DCC: variants seen among roughly 807,000 people sequenced by gnomAD.
DCC encodes the protein DCC netrin 1 receptor.
In DCC, 58 loss-of-function variants were observed where a neutral mutation model predicts 172.5. The ratio of observed to expected loss-of-function variants is 0.34; its 90% CI spans 0.27 to 0.42. The LOEUF is 0.42. Ranked by LOEUF, DCC falls within the 10% of genes least tolerant of loss-of-function variation. The probability of loss-of-function intolerance (pLI) is 1.00; values close to 1 mark genes in which losing one functional copy is unlikely to be tolerated. For missense variants in DCC, 1,740 were observed against 1,791.0 expected, an observed-to-expected ratio of 0.97 and a Z score of 0.51; for synonymous variants, 709 against 644.5, an observed-to-expected ratio of 1.10 and a Z score of -1.52.
chr18:52,894,119 C>T (rs1036507160), intron 2 of DCC, among the ~76,000 whole-genome samples: 1 of 152,070 alleles, frequency 6.6e-6, no homozygotes, highest in African/African-American at 2.4e-5. Flanking sequence ...ATTCCAGACC[C>T]AGCCATAGTC....
chr18:53,002,023 G>T (rs2041573124), intron 5 of DCC, among the ~76,000 whole-genome samples: 1 of 152,078 alleles, frequency 6.6e-6, no homozygotes, highest in East Asian at 1.9e-4. Context: ...GAGATGAGAA[G>T]ATTTTTCCAA....
At chr18:53,182,588 A>G (rs1012442442) in intron 9 of DCC, among the ~76,000 whole-genome samples, 10 of 152,208 alleles carry the variant, frequency 6.6e-5, no homozygotes, top group African/African-American at 2.4e-4. Flanking sequence ...TCTTACGGAC[A>G]TTAGAATAAA....
At chr18:53,351,420 CACTG>C (rs1420384098) in intron 15 of DCC, among the ~76,000 whole-genome samples, 2,103 of 15,798 alleles carry the variant, frequency 0.13, 342 homozygotes, top group African/African-American at 0.34. Context: ...TATATATACA[CACTG>C]TGTATATATA....
At chr18:52,789,246 A>AG (rs1024740794) in intron 2 of DCC, among the ~76,000 whole-genome samples, 3 of 151,826 alleles carry the variant, frequency 2.0e-5, no homozygotes, top group African/African-American at 7.2e-5. Flanking sequence ...GGGTTTTGTG[A>AG]GAAAAACAGG....
chr18:52,604,544 G>A (rs567667034), intron 1 of DCC, among the ~76,000 whole-genome samples: 24 of 152,258 alleles, frequency 1.6e-4, no homozygotes, highest in African/African-American at 5.8e-4. Flanking sequence ...AACAGAGAAG[G>A]GAGGAAGGTT....
chr18:53,151,493 T>A (rs2043994970), intron 7 of DCC, among the ~76,000 whole-genome samples: 1 of 152,202 alleles, frequency 6.6e-6, no homozygotes, highest in Admixed American at 6.5e-5. Flanking sequence ...CATTATTCAT[T>A]TTTATCTAAA....
intron 5 of DCC, among the ~76,000 whole-genome samples, chr18:53,035,269 A>C (rs12956299): frequency 0.021 from 3,128 of 152,128 alleles, 52 homozygotes; most frequent in Middle Eastern, 0.058. Flanking sequence ...CCCGAAATGC[A>C]CATGATCTCA....
intron 5 of DCC, among the ~76,000 whole-genome samples, chr18:53,043,926 A>C (rs2042202566): frequency 1.3e-5 from 2 of 151,910 alleles, no homozygotes; most frequent in African/African-American, 4.8e-5. Flanking sequence ...TGTGCCTGTG[A>C]ATGCCAAGAA....
intron 7 of DCC, among the ~76,000 whole-genome samples, chr18:53,149,756 ACT>A (rs2043971088): frequency 1.3e-5 from 2 of 152,114 alleles, no homozygotes; most frequent in African/African-American, 2.4e-5. Context: ...AAGAGCTCAA[ACT>A]CTGAGAGCTA....
At chr18:52,543,356 T>G (rs528055749) in intron 1 of DCC, among the ~76,000 whole-genome samples, 3 of 152,298 alleles carry the variant, frequency 2.0e-5, no homozygotes, top group Non-Finnish European at 4.4e-5. Flanking sequence ...CCTTCAAAAT[T>G]CAGGGTGTAT....
chr18:53,196,312 G>A (rs114687021), intron 9 of DCC, among the ~76,000 whole-genome samples: 59 of 152,202 alleles, frequency 3.9e-4, no homozygotes, highest in African/African-American at 1.3e-3. Context: ...CAGAATCTTC[G>A]TTGTTCACTA....
rs535478145 is a variant in DCC, at chr18:52,345,297, C to A, written c.91+4419C>A. Among the ~76,000 whole-genome samples the A allele has an allele frequency of 4.1e-4, 62 of 152,260 alleles. No individual in the cohort carries two copies. The South Asian group carries it at 0.013, about 32-fold the overall frequency. ...AAAGTCACTTGGTTCTGGAAAAGTA[C>A]TGTACTCCCTAAAGAGTTCTAAAGA... On this transcript the variant is annotated intron_variant, in intron 1 of 28. Transcript: ENST00000442544.
intron 19 of DCC, among the ~76,000 whole-genome samples, chr18:53,408,788 C>G (rs1265330414): frequency 6.6e-6 from 1 of 152,078 alleles, no homozygotes; most frequent in Non-Finnish European, 1.5e-5. Context: ...AATACCAAAC[C>G]TAGGGGAAAG....
intron 15 of DCC, among the ~76,000 whole-genome samples, chr18:53,380,921 T>G (rs997976475): frequency 6.6e-6 from 1 of 152,140 alleles, no homozygotes; most frequent in African/African-American, 2.4e-5. Flanking sequence ...ATAGTAGGTA[T>G]TGGTGAAATA....
intron 1 of DCC, among the ~76,000 whole-genome samples, chr18:52,595,131 A>T (rs1347874866): frequency 6.6e-6 from 1 of 152,222 alleles, no homozygotes; most frequent in African/African-American, 2.4e-5. Context: ...ATCACAAAAA[A>T]GTTATGGTCC....
intron 1 of DCC, among the ~76,000 whole-genome samples, chr18:52,362,147 G>A (rs1476057629): frequency 1.3e-5 from 2 of 152,202 alleles, no homozygotes; most frequent in Non-Finnish European, 2.9e-5. Context: ...GTTGCTTGAA[G>A]GAAAAGGCCA....
intron 15 of DCC, among the ~76,000 whole-genome samples, chr18:53,369,970 C>T (rs1160328473): frequency 6.6e-6 from 1 of 151,654 alleles, no homozygotes; most frequent in African/African-American, 2.4e-5. Flanking sequence ...ATGCTGGCCT[C>T]ATAGAATGAG....
At chr18:53,245,181 GTGAAGTTATGATTTGTTCAAATC>G (rs1359981963) in intron 12 of DCC, among the ~76,000 whole-genome samples, 1 of 152,194 alleles carries the variant, frequency 6.6e-6, no homozygotes, top group East Asian at 1.9e-4. Context: ...GCTGAAACCT[GTGAAGTTATGATTTGTTCAAATC>G]TTCCTTCCCC....
chr18:53,084,507 T>C (rs1363602406), intron 7 of DCC, among the ~76,000 whole-genome samples: 1 of 152,202 alleles, frequency 6.6e-6, no homozygotes, highest in Non-Finnish European at 1.5e-5. Flanking sequence ...TGCTGCTCTC[T>C]GGTGGCTCAC....
Sources: allele counts gnomAD v4.1 joint callset (sites outside exome capture counted in the v4.1 genomes callset), GRCh38; gene constraint gnomAD v4.1.1; transcripts MANE v1.5; gene names NCBI Gene and HGNC (gene_info 2026-07-23, HGNC 2026-07-21).